The following ZDBF2 variants were observed in gnomAD, a reference collection of about 807,000 sequenced individuals.
ZDBF2 encodes DBF4-type zinc finger-containing protein 2.
Under a neutral mutation model 9.4 loss-of-function variants are expected in ZDBF2, and 6 were observed. That is an observed-to-expected ratio of 0.64 (90% CI 0.35 to 1.27). ZDBF2 has a LOEUF of 1.27. Among genes scored for constraint, ZDBF2 ranks in the 50% most tolerant of loss-of-function variants. The pLI is 0.03. For synonymous variants in ZDBF2, 905 were observed against 946.3 expected, an observed-to-expected ratio of 0.96 and a Z score of 0.80; for missense variants, 2,697 against 2,766.8, an observed-to-expected ratio of 0.97 and a Z score of 0.57.
At chr2:206,302,601 T>C (rs933221359) in intron 4 of ZDBF2, among the ~76,000 whole-genome samples, 52 of 152,158 alleles carry the variant, frequency 3.4e-4, no homozygotes, top group Admixed American at 3.0e-3. Flanking sequence ...TGATAGTCCT[T>C]AAGACAAATG....
In ZDBF2 at chr2:206,307,886, C is replaced by T. The variant is rs1178124938; in HGVS notation, c.3358C>T (p.Pro1120Ser). The change falls in exon 5 of 5, where the codon CCT becomes TCT. Residue 1120 changes from proline to serine, a missense_variant. Transcript: ENST00000374423. The stretch of plus-strand genomic sequence containing the variant: ...TAGTACTTATAAATTAATACATCAT[C>T]CTGATGTTTCTGTCCAATCTGTGGC... ...EPSTYKLIHH[P>S]DVSVQSVADQ... 3.7e-6 allele frequency: 6 copies of T among 1,613,502 alleles called. No individual in the cohort carries two copies. In the African/African-American group the frequency reaches 4.0e-5, roughly 11 times the overall value.
rs371478964 is a variant in ZDBF2 at position 206,304,911 on chromosome 2, C to T, written c.383C>T (p.Thr128Met). Residue 128 changes from threonine (T) to methionine (M), a missense_variant, in exon 5 of 5, where the codon ACG becomes ATG. Thr to Met is a moderately conservative substitution (Grantham distance 81). Around this residue, in one of 3 missense-constraint regions of ZDBF2, gnomAD observed 910 missense variants for 973.6 expected, o/e 0.93. Coordinates refer to ENST00000374423, the MANE Select transcript of ZDBF2 (RefSeq NM_020923.3). ...AGACCTCATAAATCTCAGGAAGGCACGCAGGAGGTTTCAGTTCGACCATCA... is the reference window on the plus strand; with the variant it reads ...AGACCTCATAAATCTCAGGAAGGCATGCAGGAGGTTTCAGTTCGACCATCA... The part of the protein sequence containing the change: ...HSRPHKSQEG[T>M]QEVSVRPSVI... The T allele has an allele frequency of 4.3e-5, 69 of 1,613,476 alleles. No homozygotes were observed. The highest frequency in any genetic ancestry group is 6.7e-5 in the Admixed American group (4 of 59,880).
At chr2:206,299,587 C>T (rs1692385770) in intron 4 of ZDBF2, among the ~76,000 whole-genome samples, 1 of 151,536 alleles carries the variant, frequency 6.6e-6, no homozygotes, top group Admixed American at 6.6e-5. Context: ...CAGAAGAATT[C>T]CTTGAACTGC....
At chr2:206,295,638 T>A (rs1166847571) in intron 3 of ZDBF2, among the ~76,000 whole-genome samples, 1 of 152,176 alleles carries the variant, frequency 6.6e-6, no homozygotes, top group Admixed American at 6.6e-5. Flanking sequence ...ACTCCCAAAG[T>A]GCTGGGATTA....
At chr2:206,284,111 C>T (rs890403834) in intron 3 of ZDBF2, among the ~76,000 whole-genome samples, 5 of 151,756 alleles carry the variant, frequency 3.3e-5, no homozygotes, top group Non-Finnish European at 7.4e-5. Flanking sequence ...TACAGTTACT[C>T]TTACATTTAG....
At chr2:206,282,147 A>C (rs1056054601) in intron 3 of ZDBF2, among the ~76,000 whole-genome samples, 1 of 152,216 alleles carries the variant, frequency 6.6e-6, no homozygotes, top group East Asian at 1.9e-4. Context: ...AATTTAGTAC[A>C]TAATGCGTGA....
chr2:206,292,223 C>T, intron 3 of ZDBF2: 1 of 395,958 alleles, frequency 2.5e-6, no homozygotes, highest in Non-Finnish European at 4.5e-6. Flanking sequence ...AAGGACTTTG[C>T]ATTGTTTATA....
rs1693074778 is a variant in ZDBF2 at position 206,310,086 on chromosome 2, G to T, written c.5558G>T (p.Gly1853Val). ...GCTCTGGTGAAGGAGTTTAGGGAAGGTCGTTTCCACTGTTACTTTGATGAT... is the reference window on the plus strand; with the variant it reads ...GCTCTGGTGAAGGAGTTTAGGGAAGTTCGTTTCCACTGTTACTTTGATGAT... ...INALVKEFRE[G>V]RFHCYFDDDC... The change falls in exon 5 of 5, where the codon GGT becomes GTT. Residue 1853 changes from glycine to valine, a missense_variant. This residue lies in a region of ZDBF2 where 1,783 missense variants were observed against 1,776.5 expected (regional missense o/e 1.00). Transcript: ENST00000374423. The T allele has an allele frequency of 5.6e-6, 9 of 1,613,832 alleles. No homozygotes were observed. In the East Asian group the frequency reaches 1.8e-4, roughly 32 times the overall value.
rs780600299 is a variant in ZDBF2, at chr2:206,310,644, T to C, written c.6116T>C (p.Ile2039Thr). ...KMRHHSWDND[I>T]RFICKYKRNI... ...AGGCACCATAGTTGGGATAATGATATTCGGTTTATATGCAAATATAAACGG... is the reference window on the plus strand; with the variant it reads ...AGGCACCATAGTTGGGATAATGATACTCGGTTTATATGCAAATATAAACGG... Residue 2039 changes from isoleucine to threonine, a missense_variant, in exon 5 of 5, where the codon ATT becomes ACT. Ile to Thr is a moderately conservative substitution (Grantham distance 89). Transcript: ENST00000374423. 1 of 1,609,504 alleles carries C rather than the reference T, an allele frequency of 6.2e-7. No homozygotes were observed. The highest frequency in any genetic ancestry group is 8.5e-7 in the Non-Finnish European group (1 of 1,177,570).
intron 3 of ZDBF2, among the ~76,000 whole-genome samples, chr2:206,296,610 G>A (rs566983248): frequency 5.9e-5 from 9 of 152,236 alleles, no homozygotes; most frequent in African/African-American, 1.9e-4. Context: ...AATTCCCTGC[G>A]GATAATAGGG....
In ZDBF2 at chr2:206,309,918, C is replaced by G. The variant is rs746979785; in HGVS notation, c.5390C>G (p.Ser1797Cys). 2 of 1,613,786 alleles carry G rather than the reference C, an allele frequency of 1.2e-6. No homozygotes were observed. Among genetic ancestry groups the G allele is most frequent in the African/African-American group, 2.7e-5 (2 of 74,902 alleles). ...SQSSSVLKVD[S>C]VRNLKKAKDV... ...TCAAGCTCTGTTCTCAAGGTTGATT[C>G]TGTAAGGAACCTGAAAAAAGCAAAG... Residue 1797 changes from serine (S) to cysteine (C), a missense_variant, in exon 5 of 5, where the codon TCT becomes TGT. By Grantham distance (112) the Ser-to-Cys change is moderately radical (BLOSUM62 -1). Around this residue, in one of 3 missense-constraint regions of ZDBF2, gnomAD observed 1,783 missense variants for 1,776.5 expected, o/e 1.00. Coordinates refer to ENST00000374423, the MANE Select transcript of ZDBF2 (RefSeq NM_020923.3).
intron 4 of ZDBF2, among the ~76,000 whole-genome samples, chr2:206,300,884 T>C (rs1574408421): frequency 6.6e-6 from 1 of 152,206 alleles, no homozygotes; most frequent in Non-Finnish European, 1.5e-5. Flanking sequence ...TACTATTTAT[T>C]ATTTATTTTG....
At position 206,307,420 on chromosome 2, in the gene ZDBF2, T is replaced by G. The variant is rs773198865; in HGVS notation, c.2892T>G (p.Leu964=). The change falls in exon 5 of 5, where the codon CTT becomes CTG. Residue 964 remains leucine, a synonymous_variant. Transcript: ENST00000374423. ...CAAGTTTGGATTCTGATGTCCCTCTTCAGGCAGCGACTCACAAACCTGAAG... is the reference window on the plus strand; with the variant it reads ...CAAGTTTGGATTCTGATGTCCCTCTGCAGGCAGCGACTCACAAACCTGAAG... ...FETSLDSDVP[L]QAATHKPEVI... 1.2e-5 allele frequency: 19 copies of G among 1,612,468 alleles called. No homozygotes were observed. The highest frequency in any genetic ancestry group is 2.5e-6 in the Non-Finnish European group (3 of 1,179,532).
chr2:206,292,326 A>T (rs1420312068), intron 3 of ZDBF2, among the ~76,000 whole-genome samples: 1 of 152,186 alleles, frequency 6.6e-6, no homozygotes, highest in Non-Finnish European at 1.5e-5. Context: ...AAAGTCTGTA[A>T]CTAACTACAG....
In ZDBF2 at chr2:206,295,848, ATAT is replaced by A. The variant is rs532545567; in HGVS notation, c.61-1395_61-1393del. Among the ~76,000 whole-genome samples, 299 of 152,254 alleles carry A rather than the reference ATAT, an allele frequency of 2.0e-3. 1 individual carries two copies. Among genetic ancestry groups the A allele is most frequent in the African/African-American group, 6.9e-3 (287 of 41,564 alleles). ...ATTCTGCTTGCTACTCCACTAAATA[ATAT>A]TAGTAAAGAAAGAATCTTTCTAACT... is the stretch of plus-strand genomic sequence containing the variant. On this transcript the variant is annotated intron_variant, in intron 3 of 4. Transcript: ENST00000374423.
At chr2:206,300,168 G>A (rs1425283513) in intron 4 of ZDBF2, among the ~76,000 whole-genome samples, 1 of 152,078 alleles carries the variant, frequency 6.6e-6, no homozygotes, top group Non-Finnish European at 1.5e-5. Context: ...CTCAGAGGGA[G>A]CCAGTTTTAA....
rs1039605975 is a variant in ZDBF2 at position 206,311,564 on chromosome 2, A to G, written c.7036A>G (p.Asn2346Asp). 6.6e-7 allele frequency: 1 copy of G among 1,522,898 alleles called. No homozygotes were observed. The highest frequency in any genetic ancestry group is 8.8e-7 in the Non-Finnish European group (1 of 1,137,366). The allele number at this position is 1,522,898 out of a possible 1,614,324, so 94.3% of individuals were successfully genotyped here. A position where few individuals can be genotyped will look rare whatever the true frequency, so the allele number is the denominator to read the frequency against. Residue 2346 changes from asparagine to aspartate, a missense_variant, in exon 5 of 5, where the codon AAC becomes GAC. This residue lies in a region of ZDBF2 where 1,783 missense variants were observed against 1,776.5 expected (regional missense o/e 1.00). Transcript: ENST00000374423. ...TGAGAGAATGATGACTCGGCTAGCA[A>G]ACAAACTGAGAGGTAATGAGGTAAA... ...QRERMMTRLANKLRGNEVK is the reference protein window; with the variant it reads ...QRERMMTRLADKLRGNEVK
chr2:206,282,475 G>T (rs953632794), intron 3 of ZDBF2, among the ~76,000 whole-genome samples: 2 of 152,068 alleles, frequency 1.3e-5, no homozygotes, highest in Non-Finnish European at 2.9e-5. Flanking sequence ...TTGTTACATG[G>T]GTATATTGCA....
chr2:206,295,849 T>C (rs921823044), intron 3 of ZDBF2, among the ~76,000 whole-genome samples: 10 of 151,496 alleles, frequency 6.6e-5, no homozygotes, highest in African/African-American at 2.2e-4. Context: ...CACTAAATAA[T>C]ATTAGTAAAG....
Sources: gnomAD v4.1 joint callset for allele counts (sites outside exome capture counted in the v4.1 genomes callset) on GRCh38, gnomAD v4.1.1 for gene constraint, gnomAD v4.1.1 regional missense constraint, MANE v1.5 for transcripts, NCBI Gene and HGNC (gene_info 2026-07-23, HGNC 2026-07-21) for gene names.